ADGRB3: variants seen among roughly 807,000 people sequenced by gnomAD.
ADGRB3 encodes adhesion G protein-coupled receptor B3, also known as brain-specific angiogenesis inhibitor 3.
Under a neutral mutation model 193.4 loss-of-function variants are expected in ADGRB3, and 37 were observed. That is an observed-to-expected ratio of 0.19 (90% CI 0.15 to 0.25). The LOEUF (loss-of-function observed/expected upper bound fraction) is 0.25. Ranked by LOEUF, ADGRB3 falls within the 10% of genes least tolerant of loss-of-function variation. ADGRB3 has a pLI of 1.00. For missense variants in ADGRB3, 1,637 were observed against 1,852.9 expected (o/e 0.88, Z 2.14); for synonymous variants, 690 against 644.2 (o/e 1.07, Z -1.08).
intron 24 of ADGRB3, among the ~76,000 whole-genome samples, chr6:69,333,974 AAT>A (rs1198522489): frequency 4.5e-5 from 4 of 88,988 alleles, no homozygotes; most frequent in Admixed American, 1.1e-4. Context: ...AATAAAATAA[AAT>A]AAAATAAAAT....
intron 3 of ADGRB3, among the ~76,000 whole-genome samples, chr6:68,663,648 T>A (rs939107294): frequency 1.3e-5 from 2 of 151,792 alleles, no homozygotes; most frequent in African/African-American, 4.8e-5. Context: ...CTTCATTCCT[T>A]AGGAGCCATG....
intron 11 of ADGRB3, among the ~76,000 whole-genome samples, chr6:68,997,291 T>A (rs1490463395): frequency 1.3e-5 from 2 of 151,986 alleles, no homozygotes; most frequent in Non-Finnish European, 2.9e-5. Flanking sequence ...GAAAATCAAA[T>A]GAATTAAACC....
intron 17 of ADGRB3, among the ~76,000 whole-genome samples, chr6:69,155,710 C>T (rs1774816095): frequency 6.6e-6 from 1 of 152,160 alleles, no homozygotes; most frequent in South Asian, 2.1e-4. Flanking sequence ...GTTACCTCTA[C>T]CATTTGAAAA....
Position 68,975,260 on chromosome 6 carries a change from A to G in ADGRB3, c.1654A>G (p.Ser552Gly), listed in dbSNP as rs375950923. The change falls in exon 10 of 32, where the codon AGT becomes GGT. Residue 552 changes from serine to glycine, a missense_variant. Physicochemically the swap from Ser to Gly is moderately conservative, Grantham distance 56. Around this residue, in one of 7 missense-constraint regions of ADGRB3, gnomAD observed 641 missense variants for 673.9 expected, o/e 0.95. Coordinates refer to ENST00000370598, the MANE Select transcript of ADGRB3 (RefSeq NM_001704.3). ...CACCACTAGCAGACGCTGCTCTCTC[A>G]GTCTTCATGGAGTGGCCTTCTGGGA... ...TGTTSRRCSLSLHGVAFWEQP... is the reference protein window; with the variant it reads ...TGTTSRRCSLGLHGVAFWEQP... 1.2e-6 allele frequency: 2 copies of G among 1,613,874 alleles called. No homozygotes were observed. The highest frequency in any genetic ancestry group is 1.7e-6 in the Non-Finnish European group (2 of 1,179,918).
At chr6:69,181,726 A>T (rs1280991657) in intron 17 of ADGRB3, among the ~76,000 whole-genome samples, 2 of 152,338 alleles carry the variant, frequency 1.3e-5, no homozygotes, top group East Asian at 3.9e-4. Flanking sequence ...AACATTTTAA[A>T]CTATTTGGAA....
intron 17 of ADGRB3, among the ~76,000 whole-genome samples, chr6:69,145,467 A>T (rs1582496705): frequency 6.6e-6 from 1 of 152,218 alleles, no homozygotes; most frequent in East Asian, 1.9e-4. Context: ...GGTCTGGAAC[A>T]CCTGAAGGGC....
At chr6:68,951,996 TA>T (rs1012249669) in intron 6 of ADGRB3, among the ~76,000 whole-genome samples, 1 of 152,076 alleles carries the variant, frequency 6.6e-6, no homozygotes, top group African/African-American at 2.4e-5. Flanking sequence ...TGAGTGTTTA[TA>T]AAAAAAGAAA....
At chr6:68,693,221 A>G (rs1354683334) in intron 3 of ADGRB3, among the ~76,000 whole-genome samples, 2 of 151,868 alleles carry the variant, frequency 1.3e-5, no homozygotes, top group African/African-American at 2.4e-5. Flanking sequence ...TGAAATTGAT[A>G]GAATTTTGAA....
chr6:68,732,141 G>A (rs1765787079), intron 3 of ADGRB3, among the ~76,000 whole-genome samples: 1 of 151,706 alleles, frequency 6.6e-6, no homozygotes, highest in South Asian at 2.1e-4. Context: ...TTTGTTCAGT[G>A]TAACTACTTA....
chr6:68,837,400 T>G (rs185126885), intron 3 of ADGRB3, among the ~76,000 whole-genome samples: 1 of 152,326 alleles, frequency 6.6e-6, no homozygotes, highest in East Asian at 1.9e-4. Flanking sequence ...GCTATAAATT[T>G]ATTTTACATT....
chr6:69,204,454 A>C (rs532534315), intron 17 of ADGRB3, among the ~76,000 whole-genome samples: 2 of 152,140 alleles, frequency 1.3e-5, no homozygotes, highest in African/African-American at 4.8e-5. Context: ...TGGTATTCTA[A>C]GGATAGTGAT....
At chr6:68,924,031 A>G (rs777983349) in intron 3 of ADGRB3, among the ~76,000 whole-genome samples, 7 of 152,076 alleles carry the variant, frequency 4.6e-5, no homozygotes, top group Non-Finnish European at 4.4e-5. Context: ...GTCTGAAACA[A>G]ATCGACAACA....
At chr6:69,363,928 A>C (rs756128166) in intron 29 of ADGRB3, among the ~76,000 whole-genome samples, 1 of 152,078 alleles carries the variant, frequency 6.6e-6, no homozygotes, top group Non-Finnish European at 1.5e-5. Flanking sequence ...GAGTATCTAC[A>C]TAGAGAGTGG....
intron 17 of ADGRB3, among the ~76,000 whole-genome samples, chr6:69,146,032 C>T (rs1774482203): frequency 6.6e-6 from 1 of 152,166 alleles, no homozygotes; most frequent in Non-Finnish European, 1.5e-5. Context: ...TTTAGGCCTT[C>T]CCCAGCTTGA....
rs147609808 is a variant in ADGRB3, at chr6:68,965,640, C to T, written c.1525+8831C>T. Among the ~76,000 whole-genome samples the T allele has an allele frequency of 3.1e-3, 475 of 152,200 alleles. 4 individuals carry two copies. Among genetic ancestry groups the T allele is most frequent in the African/African-American group, 0.011 (458 of 41,540 alleles). ...TTAACAGCTAATCACTAGGTAATTG[C>T]TACCTTACTTTAAGGGGCATGCTAA... On this transcript the variant is annotated intron_variant, in intron 8 of 31. Transcript: ENST00000370598.
chr6:69,074,947 A>T (rs967975423), intron 16 of ADGRB3, among the ~76,000 whole-genome samples: 4 of 152,158 alleles, frequency 2.6e-5, no homozygotes, highest in Non-Finnish European at 5.9e-5. Context: ...TCCTGTAATG[A>T]CACAAAACTT....
At chr6:69,022,239 A>G (rs1233092870) in intron 13 of ADGRB3, among the ~76,000 whole-genome samples, 2 of 151,826 alleles carry the variant, frequency 1.3e-5, no homozygotes, top group African/African-American at 4.8e-5. Context: ...TATATTTGAA[A>G]TGTTTTAACT....
At chr6:68,791,428 G>A (rs559432376) in intron 3 of ADGRB3, among the ~76,000 whole-genome samples, 11 of 152,012 alleles carry the variant, frequency 7.2e-5, no homozygotes, top group East Asian at 1.9e-4. Context: ...TTAGTGGAAC[G>A]TTTCTTTTAT....
intron 3 of ADGRB3, among the ~76,000 whole-genome samples, chr6:68,859,871 C>A (rs1765100918): frequency 6.6e-6 from 1 of 151,868 alleles, no homozygotes; most frequent in South Asian, 2.1e-4. Flanking sequence ...TATTGAGGAG[C>A]CCCAATATTT....
Sources: allele counts gnomAD v4.1 joint callset (sites outside exome capture counted in the v4.1 genomes callset), GRCh38; gene constraint gnomAD v4.1.1; regional missense constraint gnomAD v4.1.1; transcripts MANE v1.5; gene names NCBI Gene and HGNC (gene_info 2026-07-23, HGNC 2026-07-21).